The following MYO1B variants were observed in gnomAD, a reference collection of about 807,000 sequenced individuals.
The protein encoded by MYO1B is myosin IB.
In MYO1B, 72 loss-of-function variants were observed where a neutral mutation model predicts 159.7. The ratio of observed to expected loss-of-function variants is 0.45; its 90% CI spans 0.37 to 0.55. The LOEUF is 0.55. MYO1B is among the 20% of genes least tolerant of loss of function. The probability of loss-of-function intolerance (pLI) is 0.00; values close to 1 mark genes in which losing one functional copy is unlikely to be tolerated. For synonymous variants in MYO1B, 468 were observed against 473.8 expected (o/e 0.99, Z 0.16); for missense variants, 1,062 against 1,364.8 (o/e 0.78, Z 3.50).
At chr2:191,277,082 A>G (rs1408310274) in intron 2 of MYO1B, 52 bp downstream of exon 2, 2 of 1,581,530 alleles carry the variant, frequency 1.3e-6, no homozygotes, top group Non-Finnish European at 1.7e-6. Context: ...ATTTTGTGCC[A>G]GAGAGCTGTC....
chr2:191,380,507 A>T (rs1232308410), intron 13 of MYO1B, among the ~76,000 whole-genome samples: 1 of 152,184 alleles, frequency 6.6e-6, no homozygotes, highest in East Asian at 1.9e-4. Context: ...TAGAGGTGAA[A>T]ACAAGTTTTA....
intron 1 of MYO1B, among the ~76,000 whole-genome samples, chr2:191,264,954 G>T (rs1687043138): frequency 6.6e-6 from 1 of 152,000 alleles, no homozygotes; most frequent in Non-Finnish European, 1.5e-5. Context: ...AGTGTGCCCA[G>T]TGTCTCACTG....
At chr2:191,295,224 A>G (rs1199503540) in intron 2 of MYO1B, among the ~76,000 whole-genome samples, 1 of 152,088 alleles carries the variant, frequency 6.6e-6, no homozygotes, top group Non-Finnish European at 1.5e-5. Flanking sequence ...AGCTGCCAAG[A>G]TAAGTTACAG....
intron 16 of MYO1B, 131 bp from the exon 17 acceptor site, chr2:191,387,093 C>T: frequency 1.2e-6 from 1 of 846,650 alleles, no homozygotes. Flanking sequence ...GAGAGTGTGA[C>T]TAACATGTCA....
intron 1 of MYO1B, among the ~76,000 whole-genome samples, chr2:191,276,342 T>A (rs939440229): frequency 6.6e-6 from 1 of 152,224 alleles, no homozygotes; most frequent in Non-Finnish European, 1.5e-5. Context: ...AGTTTCATAA[T>A]CTCTGAGCTT....
At position 191,423,751 on chromosome 2, in the gene MYO1B, G is replaced by T. The variant is rs1698089190; in HGVS notation, c.3288-86G>T. The stretch of plus-strand genomic sequence containing the variant: ...GCGCAGCCTGTACTCGTCAAGATCA[G>T]TATCCATTAAAATACAAAAGCAAGT... On this transcript the variant is annotated intron_variant, in intron 30 of 30. Transcript: ENST00000392318. 3.5e-6 allele frequency: 5 copies of T among 1,440,780 alleles called. No individual in the cohort carries two copies. The South Asian group carries it at 7.4e-5, about 21-fold the overall frequency. 89.2% of individuals were successfully genotyped at this position (1,440,780 alleles called of 1,614,324 possible). A position where few individuals can be genotyped will look rare whatever the true frequency, so the allele number is the denominator to read the frequency against.
chr2:191,273,845 A>G (rs996404196), intron 1 of MYO1B, among the ~76,000 whole-genome samples: 8 of 152,256 alleles, frequency 5.3e-5, no homozygotes, highest in Non-Finnish European at 1.2e-4. Context: ...GTTTATGGAA[A>G]TGTGGAGTTA....
At chr2:191,405,816 T>C (rs1696884175) in intron 24 of MYO1B, among the ~76,000 whole-genome samples, 1 of 152,234 alleles carries the variant, frequency 6.6e-6, no homozygotes, top group Non-Finnish European at 1.5e-5. Context: ...ACAGGCGGAG[T>C]AGATTTAGCA....
chr2:191,303,019 T>C (rs528939397), intron 3 of MYO1B, among the ~76,000 whole-genome samples: 2 of 152,210 alleles, frequency 1.3e-5, no homozygotes, highest in Non-Finnish European at 2.9e-5. Context: ...TTTGAGTCTT[T>C]GTTGATCCTG....
intron 3 of MYO1B, among the ~76,000 whole-genome samples, chr2:191,305,966 G>T (rs973562446): frequency 6.6e-6 from 1 of 152,150 alleles, no homozygotes; most frequent in Non-Finnish European, 1.5e-5. Flanking sequence ...TTATTTGGGT[G>T]CCCACCGTGA....
chr2:191,275,613 CAT>C (rs1687704361), intron 1 of MYO1B, among the ~76,000 whole-genome samples: 1 of 152,154 alleles, frequency 6.6e-6, no homozygotes, highest in Admixed American at 6.5e-5. Context: ...CTTTATAAGA[CAT>C]AGTGTGCCGA....
chr2:191,393,143 G>A lies in MYO1B; in HGVS notation c.2147G>A (p.Arg716Gln), dbSNP rs368008917. ...GCCACTCTCATTCAGAAGATATATCGGGGGTGGAAATGCCGCACACACTTC... is the reference window on the plus strand; with the variant it reads ...GCCACTCTCATTCAGAAGATATATCAGGGGTGGAAATGCCGCACACACTTC... The part of the protein sequence containing the change: ...DLATLIQKIY[R>Q]GWKCRTHFLL... Residue 716 changes from arginine to glutamine, a missense_variant, in exon 20 of 31, where the codon CGG (arginine) becomes CAG (glutamine). Arg to Gln is a conservative substitution (Grantham distance 43). Around this residue, in one of 5 missense-constraint regions of MYO1B, gnomAD observed 609 missense variants for 744.4 expected, o/e 0.82. Transcript: ENST00000392318. 3.2e-5 allele frequency: 52 copies of A among 1,613,742 alleles called. No homozygotes were observed. Among genetic ancestry groups the A allele is most frequent in the Admixed American group, 5.0e-5 (3 of 59,976 alleles).
intron 3 of MYO1B, among the ~76,000 whole-genome samples, chr2:191,318,524 T>C (rs1487565956): frequency 2.0e-5 from 3 of 152,184 alleles, no homozygotes; most frequent in Non-Finnish European, 4.4e-5. Flanking sequence ...CCTGAAGCAG[T>C]CTCTGTTCCG....
chr2:191,332,486 C>T (rs2125924184), intron 4 of MYO1B, among the ~76,000 whole-genome samples: 1 of 152,092 alleles, frequency 6.6e-6, no homozygotes, highest in South Asian at 2.1e-4. Flanking sequence ...TTGTTACAAC[C>T]TCTTGAGAAG....
chr2:191,348,772 A>G (rs6711800), intron 6 of MYO1B, among the ~76,000 whole-genome samples: 263 of 152,236 alleles, frequency 1.7e-3, no homozygotes, highest in African/African-American at 5.7e-3. Flanking sequence ...TTTCCTGTTC[A>G]TTCCATGCTA....
chr2:191,327,078 G>C, intron 3 of MYO1B, among the ~76,000 whole-genome samples: 1 of 152,096 alleles, frequency 6.6e-6, no homozygotes, highest in Non-Finnish European at 1.5e-5. Flanking sequence ...GAGCAGAAGG[G>C]GAGGAAGGCT....
intron 4 of MYO1B, among the ~76,000 whole-genome samples, chr2:191,340,495 T>C (rs530377408): frequency 6.6e-6 from 1 of 152,318 alleles, no homozygotes; most frequent in South Asian, 2.1e-4. Context: ...AAGACATGTT[T>C]AGTCCCCAGT....
intron 5 of MYO1B, among the ~76,000 whole-genome samples, chr2:191,344,829 CA>C (rs10646926): frequency 6.4e-3 from 358 of 56,134 alleles, no homozygotes; most frequent in Middle Eastern, 0.021. Flanking sequence ...GACTCCGTCT[CA>C]AAAAAAAAAA....
chr2:191,366,469 G>C (rs1345628993), intron 11 of MYO1B, among the ~76,000 whole-genome samples: 2 of 151,926 alleles, frequency 1.3e-5, no homozygotes, highest in Non-Finnish European at 2.9e-5. Context: ...TGTGAGAAGT[G>C]ATTTGTTTTA....
Sources: gnomAD v4.1 joint callset for allele counts (sites outside exome capture counted in the v4.1 genomes callset) on GRCh38, gnomAD v4.1.1 for gene constraint, gnomAD v4.1.1 regional missense constraint, MANE v1.5 for transcripts, NCBI Gene and HGNC (gene_info 2026-07-23, HGNC 2026-07-21) for gene names.